Variants in KCNT2 observed in about 807,000 individuals in gnomAD.
The protein encoded by KCNT2 is potassium sodium-activated channel subfamily T member 2.
Under a neutral mutation model 153.8 loss-of-function variants are expected in KCNT2, and 67 were observed. That is an observed-to-expected ratio of 0.44 (90% CI 0.36 to 0.53). The LOEUF is 0.53. Ranked by LOEUF, KCNT2 falls within the 20% of genes least tolerant of loss-of-function variation. KCNT2 has a pLI of 0.00. For synonymous variants in KCNT2, 500 were observed against 458.8 expected (o/e 1.09, Z -1.15); for missense variants, 975 against 1,354.8 (o/e 0.72, Z 4.40).
intron 8 of KCNT2, among the ~76,000 whole-genome samples, chr1:196,463,332 T>C (rs1321121107): frequency 4.6e-5 from 7 of 151,946 alleles, no homozygotes; most frequent in South Asian, 4.1e-4. Flanking sequence ...ATGAAACTTA[T>C]TCGATTTTAT....
rs139587806 is a variant in KCNT2 at position 196,453,284 on chromosome 1, G to A, written c.638+12009C>T. ...GGATTTTCCATAGCCTCAACACTAC[G>A]GCACTTGAGGACTTTGGCTCAGGTG... is the stretch of plus-strand genomic sequence containing the variant. On this transcript the variant is annotated intron_variant, in intron 8 of 27. Coordinates refer to ENST00000294725, the MANE Select transcript of KCNT2 (RefSeq NM_198503.5). Among the ~76,000 whole-genome samples the A allele has an allele frequency of 2.8e-3, 420 of 151,730 alleles. 1 individual carries two copies. The highest frequency in any genetic ancestry group is 9.6e-3 in the African/African-American group (398 of 41,432).
chr1:196,441,109 C>T (rs1055417500), intron 8 of KCNT2, among the ~76,000 whole-genome samples: 2 of 151,862 alleles, frequency 1.3e-5, no homozygotes, highest in African/African-American at 4.8e-5. Flanking sequence ...AGACTCAAAA[C>T]TGTAACTCAT....
chr1:196,369,533 A>G (rs1201549004), intron 14 of KCNT2, among the ~76,000 whole-genome samples: 1 of 138,732 alleles, frequency 7.2e-6, no homozygotes, highest in Non-Finnish European at 1.5e-5. Flanking sequence ...TGTCCATGTG[A>G]TCTCATTGTT....
chr1:196,509,419 A>G (rs949081957), intron 1 of KCNT2, among the ~76,000 whole-genome samples: 2 of 152,216 alleles, frequency 1.3e-5, no homozygotes, highest in African/African-American at 4.8e-5. Flanking sequence ...CTATGGTTAT[A>G]TGCAATAATA....
chr1:196,373,045 G>C, intron 14 of KCNT2, 95 bp downstream of exon 14: 1 of 661,100 alleles, frequency 1.5e-6, no homozygotes, highest in Non-Finnish European at 2.7e-6. Context: ...ATATCTAGCT[G>C]TATACGTAGG....
intron 1 of KCNT2, among the ~76,000 whole-genome samples, chr1:196,549,322 G>A (rs1288789658): frequency 6.6e-6 from 1 of 151,802 alleles, no homozygotes; most frequent in Non-Finnish European, 1.5e-5. Context: ...AACTTCATAT[G>A]GGAAAAGTAA....
intron 26 of KCNT2, among the ~76,000 whole-genome samples, chr1:196,241,175 G>A (rs1654922297): frequency 6.6e-6 from 1 of 151,856 alleles, no homozygotes; most frequent in Admixed American, 6.6e-5. Context: ...TGCTATATGA[G>A]AAAGAGGGTT....
chr1:196,437,613 A>G (rs1165414513), intron 8 of KCNT2, among the ~76,000 whole-genome samples: 1 of 150,544 alleles, frequency 6.6e-6, no homozygotes, highest in Non-Finnish European at 1.5e-5. Flanking sequence ...CAATTCATTT[A>G]TAGTCATTTA....
At chr1:196,402,451 C>T (rs1671496456) in intron 12 of KCNT2, among the ~76,000 whole-genome samples, 1 of 151,354 alleles carries the variant, frequency 6.6e-6, no homozygotes, top group Admixed American at 6.6e-5. Flanking sequence ...AGTGGTATAA[C>T]AATGATATAA....
At chr1:196,552,554 A>C (rs1323160769) in intron 1 of KCNT2, among the ~76,000 whole-genome samples, 1 of 151,494 alleles carries the variant, frequency 6.6e-6, no homozygotes, top group African/African-American at 2.4e-5. Flanking sequence ...AAGGATGTTA[A>C]TAAGCAAGAA....
At chr1:196,345,094 A>T (rs758867073) in intron 14 of KCNT2, among the ~76,000 whole-genome samples, 2 of 152,172 alleles carry the variant, frequency 1.3e-5, no homozygotes, top group Non-Finnish European at 2.9e-5. Flanking sequence ...AACGTCAGGA[A>T]AGGCTTTAGA....
chr1:196,459,177 C>T (rs144286808), intron 8 of KCNT2, among the ~76,000 whole-genome samples: 278 of 151,764 alleles, frequency 1.8e-3, no homozygotes, highest in African/African-American at 6.1e-3. Flanking sequence ...CTCTCTTGAG[C>T]ACTGTCTTTG....
chr1:196,475,375 GA>G (rs1347461453), intron 5 of KCNT2, among the ~76,000 whole-genome samples: 1 of 152,048 alleles, frequency 6.6e-6, no homozygotes, highest in African/African-American at 2.4e-5. Flanking sequence ...AGCACTTCGG[GA>G]GGCTGAGGAG....
chr1:196,465,463 A>T (rs1004960574), intron 7 of KCNT2, 76 bp from the exon 8 acceptor site: 5 of 807,974 alleles, frequency 6.2e-6, no homozygotes, highest in Admixed American at 1.8e-5. Context: ...ATTTATTAGC[A>T]TACATTTCAT....
intron 1 of KCNT2, among the ~76,000 whole-genome samples, chr1:196,533,445 T>C (rs1385319640): frequency 1.3e-5 from 2 of 152,140 alleles, no homozygotes; most frequent in African/African-American, 4.8e-5. Context: ...GAAGCAACTA[T>C]AAATATGAAC....
intron 25 of KCNT2, among the ~76,000 whole-genome samples, chr1:196,263,469 C>A (rs112881037): frequency 6.6e-6 from 1 of 151,974 alleles, no homozygotes; most frequent in East Asian, 1.9e-4. Flanking sequence ...GGGAACATCA[C>A]ACACTGCGCC....
rs568762936 is a variant in KCNT2 at position 196,529,682 on chromosome 1, G to T, written c.96-37341C>A. Among the ~76,000 whole-genome samples, 31 of 152,206 alleles carry T rather than the reference G, an allele frequency of 2.0e-4. No individual in the cohort carries two copies. In the South Asian group the frequency reaches 6.2e-3, roughly 31 times the overall value. The stretch of plus-strand genomic sequence containing the variant: ...ATCTTTGATTCAGCATTGCTTGGCA[G>T]ACTATTAAGGAAATGTTGATGATGC... On this transcript the variant is annotated intron_variant, in intron 1 of 27. Coordinates refer to ENST00000294725, the MANE Select transcript of KCNT2 (RefSeq NM_198503.5).
intron 5 of KCNT2, among the ~76,000 whole-genome samples, chr1:196,478,648 T>C (rs1053538751): frequency 3.9e-5 from 6 of 152,138 alleles, no homozygotes; most frequent in Non-Finnish European, 8.8e-5. Flanking sequence ...TTACCCATTA[T>C]ATGCTGCTTG....
intron 10 of KCNT2, among the ~76,000 whole-genome samples, chr1:196,427,490 C>T (rs1673756714): frequency 1.3e-5 from 2 of 152,056 alleles, no homozygotes; most frequent in Non-Finnish European, 2.9e-5. Context: ...AGATTAATGC[C>T]ATGGCCCGTA....
Sources: gnomAD v4.1 joint callset for allele counts (sites outside exome capture counted in the v4.1 genomes callset) on GRCh38, gnomAD v4.1.1 for gene constraint, MANE v1.5 for transcripts, NCBI Gene and HGNC (gene_info 2026-07-23, HGNC 2026-07-21) for gene names.